SLC9A8: variants seen among roughly 807,000 people sequenced by gnomAD.
SLC9A8 encodes solute carrier family 9 member A8.
SLC9A8 carries 48 observed loss-of-function variants against 66.6 expected under a neutral mutation model. The ratio of observed to expected loss-of-function variants is 0.72; its 90% CI spans 0.57 to 0.92. The LOEUF (loss-of-function observed/expected upper bound fraction) is 0.92. SLC9A8 is among the 40% of genes least tolerant of loss of function. SLC9A8 has a pLI of 0.00. For missense variants in SLC9A8, 599 were observed against 747.3 expected, an observed-to-expected ratio of 0.80 and a Z score of 2.31; for synonymous variants, 274 against 282.6, an observed-to-expected ratio of 0.97 and a Z score of 0.31.
intron 7 of SLC9A8, 47 bp downstream of exon 7, chr20:49,850,891 G>C: frequency 4.9e-6 from 7 of 1,430,414 alleles, no homozygotes; most frequent in Non-Finnish European, 6.8e-6. Context: ...TTTCAGACAG[G>C]GGAAATGTTT....
At chr20:49,831,733 C>T (rs1234283878) in intron 3 of SLC9A8, among the ~76,000 whole-genome samples, 1 of 152,202 alleles carries the variant, frequency 6.6e-6, no homozygotes, top group African/African-American at 2.4e-5. Context: ...GAAAGATGTT[C>T]ATGTCTAAGT....
At chr20:49,870,626 T>A (rs936165797) in intron 10 of SLC9A8, among the ~76,000 whole-genome samples, 11 of 152,296 alleles carry the variant, frequency 7.2e-5, no homozygotes, top group Admixed American at 7.2e-4. Context: ...TTGGAAGCCC[T>A]TGAAAAAAAA....
At chr20:49,840,038 G>T (rs1326401089) in intron 4 of SLC9A8, among the ~76,000 whole-genome samples, 1 of 152,154 alleles carries the variant, frequency 6.6e-6, no homozygotes, top group East Asian at 1.9e-4. Flanking sequence ...ATGTGAGGTG[G>T]ATTGTCTGGG....
intron 2 of SLC9A8, among the ~76,000 whole-genome samples, chr20:49,817,875 T>G (rs1026337587): frequency 3.3e-5 from 5 of 152,342 alleles, no homozygotes; most frequent in African/African-American, 9.6e-5. Flanking sequence ...CTTTTTCTTT[T>G]GTGATAGTAG....
At chr20:49,859,123 G>T (rs139693664) in intron 8 of SLC9A8, among the ~76,000 whole-genome samples, 132 of 152,262 alleles carry the variant, frequency 8.7e-4, no homozygotes, top group African/African-American at 2.8e-3. Flanking sequence ...ATAGTTTCCA[G>T]CCTCTTCCTC....
intron 12 of SLC9A8, among the ~76,000 whole-genome samples, 171 bp from the exon 13 acceptor site, chr20:49,880,753 C>T (rs555846621): frequency 5.9e-5 from 9 of 152,300 alleles, no homozygotes; most frequent in African/African-American, 1.7e-4. Flanking sequence ...TGTGGCAGCA[C>T]GCCCATGCTG....
intron 10 of SLC9A8, among the ~76,000 whole-genome samples, chr20:49,865,852 A>T (rs1172486177): frequency 1.3e-5 from 2 of 152,228 alleles, no homozygotes; most frequent in African/African-American, 4.8e-5. Flanking sequence ...GTCTGATCCC[A>T]TCCTTTGAGT....
chr20:49,874,876 T>TC, intron 11 of SLC9A8, 55 bp downstream of exon 11: 1 of 1,218,354 alleles, frequency 8.2e-7, no homozygotes, highest in East Asian at 2.3e-5. Flanking sequence ...TGATCTTGCT[T>TC]CCTTATCCTG....
At chr20:49,869,701 C>T (rs2089130488) in intron 10 of SLC9A8, among the ~76,000 whole-genome samples, 1 of 151,960 alleles carries the variant, frequency 6.6e-6, no homozygotes, top group Non-Finnish European at 1.5e-5. Flanking sequence ...GGCATGGTGG[C>T]ACGTGCTGGT....
intron 2 of SLC9A8, among the ~76,000 whole-genome samples, chr20:49,822,065 G>C (rs1277491348): frequency 2.6e-5 from 4 of 152,168 alleles, no homozygotes; most frequent in Non-Finnish European, 5.9e-5. Context: ...GGTAATGACA[G>C]CTAATTCCGA....
At chr20:49,834,121 C>T (rs1354820235) in intron 3 of SLC9A8, among the ~76,000 whole-genome samples, 23 of 138,052 alleles carry the variant, frequency 1.7e-4, no homozygotes, top group African/African-American at 5.5e-4. Context: ...TGGTGGTGCA[C>T]GCTTGTAATA....
chr20:49,828,755 C>T (rs1025693788), intron 3 of SLC9A8, among the ~76,000 whole-genome samples: 2 of 151,716 alleles, frequency 1.3e-5, no homozygotes, highest in East Asian at 3.9e-4. Context: ...AGGAGAATCA[C>T]TTTACTCCGG....
At chr20:49,865,780 G>A (rs1042585191) in intron 10 of SLC9A8, among the ~76,000 whole-genome samples, 3 of 152,314 alleles carry the variant, frequency 2.0e-5, no homozygotes, top group African/African-American at 4.8e-5. Context: ...TGAAAATGGA[G>A]CGTGACTCAC....
At chr20:49,887,394 G>A (rs926680112) in intron 15 of SLC9A8, among the ~76,000 whole-genome samples, 5 of 152,146 alleles carry the variant, frequency 3.3e-5, no homozygotes, top group South Asian at 2.1e-4. Flanking sequence ...CGGTGTGTGC[G>A]CTCTTCCAGG....
At chr20:49,843,308 A>G (rs1338711754) in intron 4 of SLC9A8, among the ~76,000 whole-genome samples, 1 of 152,052 alleles carries the variant, frequency 6.6e-6, no homozygotes, top group Non-Finnish European at 1.5e-5. Flanking sequence ...TTTTTTTCAC[A>G]CAGTCCCAGT....
intron 14 of SLC9A8, among the ~76,000 whole-genome samples, chr20:49,885,032 A>C (rs1162614687): frequency 6.6e-6 from 1 of 152,236 alleles, no homozygotes; most frequent in Non-Finnish European, 1.5e-5. Context: ...CACTGGAGTC[A>C]GGGCTGGCAA....
intron 3 of SLC9A8, chr20:49,830,175 A>AC: frequency 1.3e-6 from 1 of 769,744 alleles, no homozygotes; most frequent in Non-Finnish European, 2.4e-6. Context: ...AACTGGTTCC[A>AC]CCTCCATCCG....
intron 5 of SLC9A8, among the ~76,000 whole-genome samples, chr20:49,846,700 G>A (rs972610380): frequency 3.7e-4 from 56 of 152,030 alleles, no homozygotes; most frequent in African/African-American, 1.3e-3. Flanking sequence ...GATCACTTGA[G>A]GCCAGGAGTT....
chr20:49,848,743 G>A (rs1454399151), intron 5 of SLC9A8, among the ~76,000 whole-genome samples: 1 of 152,192 alleles, frequency 6.6e-6, no homozygotes, highest in African/African-American at 2.4e-5. Context: ...ATAGAGTGAA[G>A]TAAAATTGTT....
Sources: allele counts gnomAD v4.1 joint callset (sites outside exome capture counted in the v4.1 genomes callset), GRCh38; gene constraint gnomAD v4.1.1; transcripts MANE v1.5; gene names NCBI Gene and HGNC (gene_info 2026-07-23, HGNC 2026-07-21).